PLCB1: variants seen among roughly 807,000 people sequenced by gnomAD.
The protein encoded by PLCB1 is 1-phosphatidylinositol 4,5-bisphosphate phosphodiesterase beta-1.
Under a neutral mutation model 161.8 loss-of-function variants are expected in PLCB1, and 46 were observed. The ratio of observed to expected loss-of-function variants is 0.28; its 90% confidence interval spans 0.22 to 0.36. PLCB1 has a LOEUF of 0.36. Among genes scored for constraint, PLCB1 ranks in the 10% least tolerant of loss-of-function variants. The pLI, the probability that PLCB1 is intolerant of heterozygous loss-of-function variation, is 1.00. For missense variants in PLCB1, 1,016 were observed against 1,472.5 expected (o/e 0.69, Z 5.07); for synonymous variants, 517 against 503.7 (o/e 1.03, Z -0.35).
chr20:8,812,127 T>G (rs1281707672), intron 31 of PLCB1, among the ~76,000 whole-genome samples: 3 of 152,170 alleles, frequency 2.0e-5, no homozygotes. Flanking sequence ...GCTAGAGCCT[T>G]GCTTGCTATA....
chr20:8,580,273 T>C (rs2123075659), intron 3 of PLCB1, among the ~76,000 whole-genome samples: 1 of 152,202 alleles, frequency 6.6e-6, no homozygotes, highest in South Asian at 2.1e-4. Context: ...CCTTCAAAAA[T>C]ACACTCCTAA....
chr20:8,365,692 A>G (rs1299744468), intron 2 of PLCB1, among the ~76,000 whole-genome samples: 8 of 152,210 alleles, frequency 5.3e-5, no homozygotes, highest in Admixed American at 5.2e-4. Flanking sequence ...AGTCAGTAAA[A>G]TATATTAATG....
intron 31 of PLCB1, among the ~76,000 whole-genome samples, chr20:8,819,140 T>C (rs926054268): frequency 1.3e-5 from 2 of 152,102 alleles, no homozygotes; most frequent in Non-Finnish European, 2.9e-5. Context: ...TCTGAATATG[T>C]AGTAATTAAG....
chr20:8,784,617 G>A (rs1983398007), intron 27 of PLCB1, among the ~76,000 whole-genome samples: 1 of 151,290 alleles, frequency 6.6e-6, no homozygotes, highest in South Asian at 2.1e-4. Context: ...GTAAGGCACT[G>A]TGGGGGAGAT....
chr20:8,801,114 A>AT (rs1984260448), intron 31 of PLCB1, among the ~76,000 whole-genome samples: 3 of 152,038 alleles, frequency 2.0e-5, no homozygotes, highest in South Asian at 2.1e-4. Flanking sequence ...CTTTTGCTGC[A>AT]TTTTTTCTTC....
chr20:8,293,216 T>C (rs1983465096), intron 2 of PLCB1, among the ~76,000 whole-genome samples: 1 of 152,174 alleles, frequency 6.6e-6, no homozygotes, highest in African/African-American at 2.4e-5. Context: ...TGGCAACACA[T>C]ACTGTCAGTT....
At chr20:8,863,355 C>A (rs1450836828) in intron 31 of PLCB1, among the ~76,000 whole-genome samples, 2 of 152,180 alleles carry the variant, frequency 1.3e-5, no homozygotes, top group African/African-American at 4.8e-5. Flanking sequence ...TTTGGCAAGA[C>A]TTAGCCATTA....
intron 3 of PLCB1, among the ~76,000 whole-genome samples, chr20:8,511,888 T>G (rs1475424488): frequency 6.6e-6 from 1 of 152,232 alleles, no homozygotes; most frequent in African/African-American, 2.4e-5. Context: ...TGTTTTCTGC[T>G]ATAAGATTGT....
At chr20:8,185,115 A>G (rs553145005) in intron 2 of PLCB1, among the ~76,000 whole-genome samples, 1 of 152,294 alleles carries the variant, frequency 6.6e-6, no homozygotes, top group East Asian at 1.9e-4. Flanking sequence ...TGCAAAGGAC[A>G]TTAACTCATC....
At chr20:8,172,339 CGT>C (rs1342589279) in intron 2 of PLCB1, among the ~76,000 whole-genome samples, 2 of 151,956 alleles carry the variant, frequency 1.3e-5, no homozygotes, top group Non-Finnish European at 2.9e-5. Flanking sequence ...ATTTAAAGGC[CGT>C]GAGGGATAAG....
At chr20:8,793,085 G>A (rs1983843157) in intron 31 of PLCB1, among the ~76,000 whole-genome samples, 1 of 152,078 alleles carries the variant, frequency 6.6e-6, no homozygotes, top group Non-Finnish European at 1.5e-5. Context: ...TAGACATGAG[G>A]GAAATTAGCA....
intron 5 of PLCB1, 49 bp from the exon 6 acceptor site, chr20:8,647,851 A>G: frequency 6.8e-7 from 1 of 1,464,460 alleles, no homozygotes; most frequent in Non-Finnish European, 9.6e-7. Context: ...TCAAGAAAAA[A>G]AAGCTTTTTT....
intron 3 of PLCB1, among the ~76,000 whole-genome samples, chr20:8,627,301 T>C (rs1024450181): frequency 2.7e-4 from 41 of 152,130 alleles, no homozygotes; most frequent in Non-Finnish European, 5.6e-4. Context: ...ACATCTACTA[T>C]TTTTTTAAAC....
At chr20:8,356,276 G>A (rs1036441146) in intron 2 of PLCB1, among the ~76,000 whole-genome samples, 1 of 152,234 alleles carries the variant, frequency 6.6e-6, no homozygotes, top group East Asian at 1.9e-4. Flanking sequence ...CTAAGAGTGC[G>A]TCTCAGTGGT....
chr20:8,476,998 G>C (rs1395753666), intron 3 of PLCB1, among the ~76,000 whole-genome samples: 1 of 152,118 alleles, frequency 6.6e-6, no homozygotes, highest in South Asian at 2.1e-4. Flanking sequence ...GGAAACTGAT[G>C]GTCCATTGTA....
intron 23 of PLCB1, among the ~76,000 whole-genome samples, chr20:8,754,298 T>C (rs1981628509): frequency 6.6e-6 from 1 of 151,430 alleles, no homozygotes; most frequent in Admixed American, 6.6e-5. Context: ...CTACATGGAG[T>C]ATCTGAAAAC....
intron 3 of PLCB1, among the ~76,000 whole-genome samples, chr20:8,618,704 C>T (rs759777779): frequency 6.6e-6 from 1 of 152,040 alleles, no homozygotes; most frequent in Non-Finnish European, 1.5e-5. Flanking sequence ...TTTTAGAAGA[C>T]ATTTTCTTAC....
chr20:8,673,706 A>T (rs1430835130), intron 9 of PLCB1, among the ~76,000 whole-genome samples: 1 of 152,228 alleles, frequency 6.6e-6, no homozygotes, highest in Non-Finnish European at 1.5e-5. Flanking sequence ...ATCGTTTGAG[A>T]TATCTGGTTG....
intron 14 of PLCB1, among the ~76,000 whole-genome samples, chr20:8,720,436 A>G (rs1245917309): frequency 6.6e-6 from 1 of 152,160 alleles, no homozygotes; most frequent in Non-Finnish European, 1.5e-5. Context: ...CCGCTAATTT[A>G]CCATTTGGTT....
Sources: gnomAD v4.1 joint callset for allele counts (sites outside exome capture counted in the v4.1 genomes callset) on GRCh38, gnomAD v4.1.1 for gene constraint, MANE v1.5 for transcripts, NCBI Gene and HGNC (gene_info 2026-07-23, HGNC 2026-07-21) for gene names.